Variants in CHLSN observed in about 807,000 individuals in gnomAD.
The protein encoded by CHLSN is cholesin.
chr7:1,081,360 G>C, the CHLSN span, among the ~76,000 whole-genome samples: 1 of 152,242 alleles, frequency 6.6e-6, no homozygotes, highest in Non-Finnish European at 1.5e-5. Flanking sequence ...CATGAAAGGT[G>C]GGGGAAGGGG....
At chr7:1,120,113 A>C in the CHLSN span, among the ~76,000 whole-genome samples, 3 of 152,180 alleles carry the variant, frequency 2.0e-5, no homozygotes, top group African/African-American at 7.2e-5. Context: ...CCACATACTC[A>C]GAATGATGAG....
At chr7:1,025,049 C>G in the CHLSN span, 5 of 152,278 alleles carry the variant, frequency 3.3e-5, no homozygotes, top group African/African-American at 4.8e-5. Flanking sequence ...GCGGCAAATG[C>G]GCCCCCTTCG....
the CHLSN span, among the ~76,000 whole-genome samples, chr7:1,135,912 T>TATATATAAGTATATATAA: frequency 0.099 from 10,429 of 105,268 alleles, 642 homozygotes; most frequent in Middle Eastern, 0.14. Context: ...TATATAAAAA[T>TATATATAAGTATATATAA]ATATATAAGT....
the CHLSN span, among the ~76,000 whole-genome samples, chr7:1,005,609 G>A: frequency 6.6e-6 from 1 of 152,246 alleles, no homozygotes; most frequent in Non-Finnish European, 1.5e-5. Flanking sequence ...TGTCCCCTAA[G>A]CTCCGCTGAT....
the CHLSN span, among the ~76,000 whole-genome samples, chr7:1,070,782 C>G: frequency 6.8e-6 from 1 of 148,090 alleles, no homozygotes; most frequent in Non-Finnish European, 1.5e-5. Context: ...CACGCACGCA[C>G]ACGGACACGC....
chr7:986,495 G>A, the CHLSN span: 1 of 1,105,030 alleles, frequency 9.0e-7, no homozygotes. Flanking sequence ...CCCCCGTTCT[G>A]TGGCCGCCTC....
the CHLSN span, among the ~76,000 whole-genome samples, chr7:1,016,603 GT>G: frequency 1.5e-5 from 1 of 68,122 alleles, no homozygotes; most frequent in African/African-American, 8.9e-5. Flanking sequence ...ACACAGCAGC[GT>G]ACAGCAGCGC....
the CHLSN span, chr7:1,091,384 A>G: frequency 8.5e-6 from 2 of 236,634 alleles, no homozygotes; most frequent in Non-Finnish European, 8.2e-6. Context: ...ATGAGACTTC[A>G]TCCTCTCCTG....
chr7:1,071,908 G>T, the CHLSN span, among the ~76,000 whole-genome samples: 1 of 152,214 alleles, frequency 6.6e-6, no homozygotes, highest in African/African-American at 2.4e-5. Context: ...GCACCCCCAG[G>T]CCCAGGCCGC....
chr7:1,036,994 C>T, the CHLSN span, among the ~76,000 whole-genome samples: 9 of 147,214 alleles, frequency 6.1e-5, no homozygotes, highest in African/African-American at 2.2e-4. Context: ...GCCTGTAGTC[C>T]AAGCTATTCT....
the CHLSN span, chr7:1,092,389 C>T: frequency 6.9e-6 from 11 of 1,596,920 alleles, no homozygotes; most frequent in African/African-American, 1.5e-4. Context: ...CGAGGTCACG[C>T]TGGGCTTCAT....
At chr7:1,120,870 G>A in the CHLSN span, among the ~76,000 whole-genome samples, 18 of 150,202 alleles carry the variant, frequency 1.2e-4, no homozygotes, top group African/African-American at 4.1e-4. Context: ...TCCCAAAAAC[G>A]GATGGACACA....
chr7:984,585 G>A, the CHLSN span: 2 of 1,558,386 alleles, frequency 1.3e-6, no homozygotes, highest in Non-Finnish European at 8.6e-7. Context: ...GTCGGTGTGT[G>A]GCCGGCGCTA....
At chr7:1,108,475 G>C in the CHLSN span, among the ~76,000 whole-genome samples, 1 of 152,208 alleles carries the variant, frequency 6.6e-6, no homozygotes, top group Non-Finnish European at 1.5e-5. Context: ...CGGACTCCAC[G>C]AATCTCACGG....
chr7:1,073,749 CCGACCCCGCTGCCGTCACTCCCCA>C, the CHLSN span, among the ~76,000 whole-genome samples: 1 of 128,284 alleles, frequency 7.8e-6, no homozygotes, highest in Non-Finnish European at 1.7e-5. Flanking sequence ...GTCACACACC[CCGACCCCGCTGCCGTCACTCCCCA>C]CGACCCCCCA....
chr7:1,016,701 GCACA>G, the CHLSN span, among the ~76,000 whole-genome samples: 32 of 79,688 alleles, frequency 4.0e-4, no homozygotes, highest in African/African-American at 1.3e-3. Flanking sequence ...GCGCATGCCA[GCACA>G]CGCCAGCGCA....
the CHLSN span, among the ~76,000 whole-genome samples, chr7:1,134,107 T>C: frequency 6.6e-6 from 1 of 151,932 alleles, no homozygotes; most frequent in African/African-American, 2.4e-5. Context: ...CCAAAATATA[T>C]ATATATATTT....
the CHLSN span, chr7:985,418 C>G: frequency 7.5e-7 from 1 of 1,333,588 alleles, no homozygotes; most frequent in Non-Finnish European, 1.0e-6. Flanking sequence ...CCCCTCTCAG[C>G]TTCTCGGCCC....
At chr7:1,021,585 C>T in the CHLSN span, 2 of 984,858 alleles carry the variant, frequency 2.0e-6, no homozygotes, top group Non-Finnish European at 2.4e-6. Flanking sequence ...TCAATCATTT[C>T]CCCATGCTGT....
Sources: gnomAD v4.1 joint callset for allele counts (sites outside exome capture counted in the v4.1 genomes callset) on GRCh38, gnomAD v4.1.1 for gene constraint, MANE v1.5 for transcripts, NCBI Gene and HGNC (gene_info 2026-07-23, HGNC 2026-07-21) for gene names.